Variants in GRM1 observed in about 807,000 individuals in gnomAD.
GRM1 encodes the protein glutamate metabotropic receptor 1.
GRM1 carries 33 observed loss-of-function variants against 90.9 expected under a neutral mutation model. The ratio of observed to expected loss-of-function variants is 0.36; its 90% CI spans 0.28 to 0.49. The LOEUF (loss-of-function observed/expected upper bound fraction) is 0.49. GRM1 is among the 20% of genes least tolerant of loss of function. The pLI is 0.99. For synonymous variants in GRM1, 700 were observed against 613.2 expected, an observed-to-expected ratio of 1.14 and a Z score of -2.09; for missense variants, 1,190 against 1,534.3, an observed-to-expected ratio of 0.78 and a Z score of 3.75.
intron 2 of GRM1, among the ~76,000 whole-genome samples, chr6:146,195,161 A>G (rs9485055): frequency 0.26 from 38,872 of 152,152 alleles, 8,819 homozygotes; most frequent in African/African-American, 0.61. Flanking sequence ...TACAGATAGT[A>G]GGTGAAATGA....
In GRM1 at chr6:146,237,854, G is replaced by A. The variant is rs550224373; in HGVS notation, c.951-66757G>A. 5.9e-5 allele frequency among the ~76,000 whole-genome samples: 9 copies of A among 152,240 alleles called. No individual in the cohort carries two copies. The South Asian group carries it at 1.4e-3, about 25-fold the overall frequency. On this transcript the variant is annotated intron_variant, in intron 2 of 7. Coordinates refer to ENST00000282753, the MANE Select transcript of GRM1 (RefSeq NM_001278064.2). The stretch of plus-strand genomic sequence containing the variant: ...TCCAATTTCATTGTTTTACAAGGGC[G>A]TAAGTACAGACTACGTACTCAAGAT...
intron 2 of GRM1, among the ~76,000 whole-genome samples, chr6:146,208,666 C>T (rs1052192226): frequency 2.6e-5 from 4 of 152,052 alleles, no homozygotes; most frequent in African/African-American, 4.8e-5. Context: ...CACATATATA[C>T]GTATTTATAC....
intron 2 of GRM1, among the ~76,000 whole-genome samples, chr6:146,293,226 T>C (rs1783053952): frequency 6.6e-6 from 1 of 152,014 alleles, no homozygotes; most frequent in South Asian, 2.1e-4. Flanking sequence ...TTGTATGTTC[T>C]GAATGATACT....
chr6:146,386,822 T>C, intron 5 of GRM1, 68 bp from the exon 6 acceptor site: 2 of 1,219,166 alleles, frequency 1.6e-6, no homozygotes, highest in Non-Finnish European at 2.4e-6. Context: ...TGAAAACAAA[T>C]CCTCATCTGA....
At chr6:146,062,352 G>C (rs1177714621) in intron 1 of GRM1, among the ~76,000 whole-genome samples, 1 of 127,604 alleles carries the variant, frequency 7.8e-6, no homozygotes, top group Non-Finnish European at 1.8e-5. Flanking sequence ...GGGGGGTAGG[G>C]GGCTAGGGGA....
chr6:146,420,373 A>T (rs1208263496), intron 7 of GRM1, among the ~76,000 whole-genome samples: 2 of 152,214 alleles, frequency 1.3e-5, no homozygotes, highest in African/African-American at 2.4e-5. Context: ...GACCCACCAG[A>T]TGAAGTGCAC....
At chr6:146,350,808 GA>G (rs556078113) in intron 3 of GRM1, among the ~76,000 whole-genome samples, 76 of 152,132 alleles carry the variant, frequency 5.0e-4, no homozygotes, top group African/African-American at 1.8e-3. Context: ...TTTCCTCTTG[GA>G]AAATTTCCTT....
chr6:146,421,541 A>G (rs548566583), intron 7 of GRM1, among the ~76,000 whole-genome samples: 1 of 152,296 alleles, frequency 6.6e-6, no homozygotes, highest in African/African-American at 2.4e-5. Context: ...AAAGGAGCAG[A>G]TTCATATTTA....
At chr6:146,155,464 A>G (rs1032938125) in intron 1 of GRM1, among the ~76,000 whole-genome samples, 10 of 152,218 alleles carry the variant, frequency 6.6e-5, no homozygotes, top group African/African-American at 1.9e-4. Flanking sequence ...TTGTACAATG[A>G]CAAAATCGCC....
intron 1 of GRM1, among the ~76,000 whole-genome samples, chr6:146,058,128 A>G (rs919905840): frequency 2.0e-5 from 3 of 152,116 alleles, no homozygotes; most frequent in Admixed American, 2.0e-4. Flanking sequence ...AACATCACAT[A>G]CAGAATTATG....
At chr6:146,342,256 A>G (rs887183087) in intron 3 of GRM1, among the ~76,000 whole-genome samples, 6 of 152,252 alleles carry the variant, frequency 3.9e-5, no homozygotes, top group Non-Finnish European at 8.8e-5. Flanking sequence ...CTATGCAAAA[A>G]TTTGGTCTCT....
chr6:146,411,009 C>G (rs1488363018), intron 7 of GRM1, among the ~76,000 whole-genome samples: 2 of 152,118 alleles, frequency 1.3e-5, no homozygotes, highest in African/African-American at 4.8e-5. Flanking sequence ...ATTCAATAAA[C>G]AACTTTCAAG....
chr6:146,251,096 A>G (rs549354616), intron 2 of GRM1, among the ~76,000 whole-genome samples: 161 of 152,356 alleles, frequency 1.1e-3, no homozygotes, highest in Non-Finnish European at 1.8e-3. Flanking sequence ...AGAATATACA[A>G]TAAGCCTAAG....
intron 1 of GRM1, among the ~76,000 whole-genome samples, chr6:146,104,158 CA>C (rs1562464951): frequency 6.6e-6 from 1 of 152,072 alleles, no homozygotes; most frequent in African/African-American, 2.4e-5. Flanking sequence ...GAGTGGTTGC[CA>C]GCTGGGCGCG....
intron 1 of GRM1, among the ~76,000 whole-genome samples, chr6:146,132,419 G>C (rs187282629): frequency 8.5e-5 from 13 of 152,182 alleles, no homozygotes; most frequent in Admixed American, 5.9e-4. Context: ...GCAAGTGTAA[G>C]GAAATAAAAT....
chr6:146,048,171 T>A (rs1791402215), intron 1 of GRM1, among the ~76,000 whole-genome samples: 1 of 152,048 alleles, frequency 6.6e-6, no homozygotes, highest in African/African-American at 2.4e-5. Context: ...GATATGGGGT[T>A]AAGCACAAAG....
chr6:146,186,149 A>G (rs1460797943), intron 2 of GRM1, among the ~76,000 whole-genome samples: 1 of 113,628 alleles, frequency 8.8e-6, no homozygotes, highest in Non-Finnish European at 1.9e-5. Flanking sequence ...TATTATTATT[A>G]TGTTTTTTAG....
chr6:146,341,109 G>T (rs1784962788), intron 3 of GRM1, among the ~76,000 whole-genome samples: 1 of 152,132 alleles, frequency 6.6e-6, no homozygotes, highest in South Asian at 2.1e-4. Context: ...CACAGGCTTT[G>T]GTGTAAATCT....
intron 1 of GRM1, among the ~76,000 whole-genome samples, chr6:146,146,492 T>C (rs1006121830): frequency 8.5e-5 from 13 of 152,236 alleles, no homozygotes; most frequent in South Asian, 6.2e-4. Context: ...ATTAAGACTT[T>C]GGGGTGATGG....
Sources: allele counts gnomAD v4.1 joint callset (sites outside exome capture counted in the v4.1 genomes callset), GRCh38; gene constraint gnomAD v4.1.1; transcripts MANE v1.5; gene names NCBI Gene and HGNC (gene_info 2026-07-23, HGNC 2026-07-21).